Variants in SAMD12 observed in about 807,000 individuals in gnomAD.
The protein encoded by SAMD12 is sterile alpha motif domain-containing protein 12.
A neutral mutation model predicts 15.0 loss-of-function variants in SAMD12; 9 were observed. That is an observed-to-expected ratio of 0.60 (90% CI 0.36 to 1.05). The LOEUF is 1.05. Ranked by LOEUF, SAMD12 falls within the 50% of genes least tolerant of loss-of-function variation. The probability of loss-of-function intolerance (pLI) is 0.01; values close to 1 mark genes in which losing one functional copy is unlikely to be tolerated. For synonymous variants in SAMD12, 86 were observed against 90.1 expected (o/e 0.96, Z 0.25); for missense variants, 230 against 234.2 (o/e 0.98, Z 0.12).
intron 2 of SAMD12, among the ~76,000 whole-genome samples, chr8:118,520,572 A>C (rs1413237926): frequency 2.6e-5 from 4 of 152,318 alleles, no homozygotes; most frequent in Non-Finnish European, 5.9e-5. Context: ...GTTTCTGAAA[A>C]CATAACACAA....
At chr8:118,296,695 T>C (rs181441795) in intron 4 of SAMD12, among the ~76,000 whole-genome samples, 2 of 152,328 alleles carry the variant, frequency 1.3e-5, no homozygotes, top group African/African-American at 2.4e-5. Context: ...ACCATGCCAA[T>C]TTATCTTTAT....
chr8:118,447,337 C>T (rs1190312227), intron 2 of SAMD12, among the ~76,000 whole-genome samples: 1 of 151,702 alleles, frequency 6.6e-6, no homozygotes, highest in Admixed American at 6.6e-5. Flanking sequence ...GAGTCCCACT[C>T]TGTCACCCAG....
At chr8:118,149,171 A>G in the SAMD12 span, among the ~76,000 whole-genome samples, 1 of 152,216 alleles carries the variant, frequency 6.6e-6, no homozygotes, top group African/African-American at 2.4e-5. Context: ...GCACCATCAC[A>G]GCTCACTGCA....
intron 1 of SAMD12, among the ~76,000 whole-genome samples, chr8:118,614,800 A>G (rs1000890792): frequency 2.6e-5 from 4 of 152,180 alleles, no homozygotes; most frequent in Non-Finnish European, 5.9e-5. Context: ...GCGGGAGGCA[A>G]GCTGTACAAG....
chr8:118,140,445 A>AT, the SAMD12 span, among the ~76,000 whole-genome samples: 4 of 151,674 alleles, frequency 2.6e-5, no homozygotes, highest in Admixed American at 2.6e-4. Context: ...CTAATTTTTT[A>AT]TTTTTTTGTA....
intron 3 of SAMD12, among the ~76,000 whole-genome samples, chr8:118,408,475 T>A (rs6985984): frequency 0.34 from 52,023 of 151,790 alleles, 9,525 homozygotes; most frequent in African/African-American, 0.41. Flanking sequence ...CTGCTTTGGG[T>A]CGGAGGTGGA....
intron 2 of SAMD12, among the ~76,000 whole-genome samples, chr8:118,556,533 C>T (rs1044166196): frequency 6.6e-6 from 1 of 152,148 alleles, no homozygotes; most frequent in African/African-American, 2.4e-5. Flanking sequence ...TTTTGGGGCT[C>T]CAAGATTCTT....
At chr8:118,282,369 G>A (rs1476218339) in intron 4 of SAMD12, 4 of 456,090 alleles carry the variant, frequency 8.8e-6, no homozygotes, top group Non-Finnish European at 1.8e-5. Flanking sequence ...CTCTCGTATA[G>A]GCTGGTGTTG....
chr8:118,200,322 C>A (rs75768997), intron 4 of SAMD12, among the ~76,000 whole-genome samples: 1,782 of 150,530 alleles, frequency 0.012, 36 homozygotes, highest in South Asian at 0.049. Flanking sequence ...TATTCTGAGC[C>A]TTTCCCATCC....
chr8:118,448,235 T>C (rs749759886), intron 2 of SAMD12, among the ~76,000 whole-genome samples: 1 of 152,200 alleles, frequency 6.6e-6, no homozygotes, highest in Non-Finnish European at 1.5e-5. Context: ...AGTCCTATCC[T>C]GATCTCCCTG....
intron 4 of SAMD12, among the ~76,000 whole-genome samples, chr8:118,324,557 G>A (rs1816471354): frequency 2.0e-5 from 3 of 152,144 alleles, no homozygotes; most frequent in Non-Finnish European, 2.9e-5. Flanking sequence ...AAGACACCAT[G>A]CCTACCCTTG....
intron 1 of SAMD12, among the ~76,000 whole-genome samples, chr8:118,616,060 G>T (rs1586859804): frequency 6.6e-6 from 1 of 152,186 alleles, no homozygotes; most frequent in African/African-American, 2.4e-5. Context: ...AGGAAAGTCA[G>T]ATCTGGTGGT....
At chr8:118,439,746 G>A in intron 3 of SAMD12, 86 bp downstream of exon 3, 1 of 314,820 alleles carries the variant, frequency 3.2e-6, no homozygotes, top group South Asian at 7.2e-5. Flanking sequence ...GCAGGAAGAT[G>A]TTGTTTCATG....
At chr8:118,516,859 G>A (rs796630687) in intron 2 of SAMD12, among the ~76,000 whole-genome samples, 84 of 152,038 alleles carry the variant, frequency 5.5e-4, no homozygotes, top group African/African-American at 2.0e-3. Context: ...GGCTGGTCTC[G>A]AACTCCTGAG....
At chr8:118,387,350 T>G (rs111295892) in intron 3 of SAMD12, among the ~76,000 whole-genome samples, 21 of 152,248 alleles carry the variant, frequency 1.4e-4, no homozygotes, top group Middle Eastern at 3.4e-3. Context: ...GAGAGTCAAA[T>G]GAAATAATAC....
rs553393528 is a variant in SAMD12, at chr8:118,202,544, A to G, written c.434-4812T>C. On this transcript the variant is annotated intron_variant, in intron 4 of 4. Transcript: ENST00000409003. ...CCAGCTTGGCAAAAGGTTCAATAAC[A>G]GATCTGGGATGGATTATGTCCCGCC... 2.0e-5 allele frequency among the ~76,000 whole-genome samples: 3 copies of G among 152,340 alleles called. No homozygotes were observed. The East Asian group carries it at 5.8e-4, about 29-fold the overall frequency.
the SAMD12 span, among the ~76,000 whole-genome samples, chr8:118,148,081 C>G: frequency 6.6e-6 from 1 of 151,820 alleles, no homozygotes; most frequent in Non-Finnish European, 1.5e-5. Flanking sequence ...GCATGCACCA[C>G]CATGCCCGGC....
intron 2 of SAMD12, among the ~76,000 whole-genome samples, chr8:118,459,783 C>T (rs563534027): frequency 6.6e-6 from 1 of 152,314 alleles, no homozygotes; most frequent in East Asian, 1.9e-4. Flanking sequence ...GATTCATTCA[C>T]TTTATGTAAT....
intron 4 of SAMD12, among the ~76,000 whole-genome samples, chr8:118,243,989 G>A (rs1235938065): frequency 6.6e-6 from 1 of 152,120 alleles, no homozygotes; most frequent in Admixed American, 6.6e-5. Flanking sequence ...CTGGAAATAA[G>A]AGATGAAGCC....
Sources: allele counts gnomAD v4.1 joint callset (sites outside exome capture counted in the v4.1 genomes callset), GRCh38; gene constraint gnomAD v4.1.1; transcripts MANE v1.5; gene names NCBI Gene and HGNC (gene_info 2026-07-23, HGNC 2026-07-21).